Variants in ADCY2 observed in about 807,000 individuals in gnomAD.
ADCY2 encodes adenylate cyclase 2.
In ADCY2, 31 loss-of-function variants were observed where a neutral mutation model predicts 125.2. That is an observed-to-expected ratio of 0.25 (90% CI 0.19 to 0.33). The LOEUF (loss-of-function observed/expected upper bound fraction) is 0.33, where lower values mean the gene tolerates loss of function less well. ADCY2 is among the 10% of genes least tolerant of loss of function. The pLI is 1.00. For synonymous variants in ADCY2, 512 were observed against 548.4 expected (o/e 0.93, Z 0.93); for missense variants, 904 against 1,418.2 (o/e 0.64, Z 5.82).
At chr5:7,570,067 C>T (rs113621158) in intron 3 of ADCY2, among the ~76,000 whole-genome samples, 2,654 of 152,164 alleles carry the variant, frequency 0.017, 79 homozygotes, top group African/African-American at 0.061. Flanking sequence ...TAAGGTCACA[C>T]AATCACTATA....
At chr5:7,528,910 C>A (rs987393626) in intron 3 of ADCY2, among the ~76,000 whole-genome samples, 1 of 152,126 alleles carries the variant, frequency 6.6e-6, no homozygotes, top group Non-Finnish European at 1.5e-5. Context: ...TCTTTGAAAC[C>A]GTGTAAGACA....
At chr5:7,602,965 C>T (rs1561120613) in intron 3 of ADCY2, among the ~76,000 whole-genome samples, 1 of 152,118 alleles carries the variant, frequency 6.6e-6, no homozygotes, top group Non-Finnish European at 1.5e-5. Context: ...TTTGGTCTGG[C>T]CAATTAATAA....
chr5:7,510,390 G>A (rs1050637507), intron 2 of ADCY2, among the ~76,000 whole-genome samples: 1 of 152,206 alleles, frequency 6.6e-6, no homozygotes, highest in African/African-American at 2.4e-5. Context: ...TATAGCAAGA[G>A]TAACTCTGAT....
intron 15 of ADCY2, among the ~76,000 whole-genome samples, chr5:7,753,639 G>A (rs1324515194): frequency 6.6e-6 from 1 of 152,202 alleles, no homozygotes; most frequent in East Asian, 1.9e-4. Context: ...CAAGAGCCAA[G>A]TTGTAATTTT....
At chr5:7,492,146 A>G (rs1561055187) in intron 2 of ADCY2, among the ~76,000 whole-genome samples, 1 of 152,224 alleles carries the variant, frequency 6.6e-6, no homozygotes, top group African/African-American at 2.4e-5. Context: ...TTGAAAGGGC[A>G]CAGGGGAACC....
chr5:7,581,487 A>G (rs1027315775), intron 3 of ADCY2, among the ~76,000 whole-genome samples: 2 of 148,166 alleles, frequency 1.3e-5, no homozygotes, highest in African/African-American at 5.0e-5. Flanking sequence ...ATTAATTGAA[A>G]TGGGGTTAAA....
intron 2 of ADCY2, among the ~76,000 whole-genome samples, chr5:7,492,991 G>T (rs137952269): frequency 6.6e-6 from 1 of 152,274 alleles, no homozygotes; most frequent in African/African-American, 2.4e-5. Flanking sequence ...CATTGCTCTT[G>T]TGCTCAGCCG....
At chr5:7,474,009 C>T (rs556301024) in intron 2 of ADCY2, among the ~76,000 whole-genome samples, 2 of 152,302 alleles carry the variant, frequency 1.3e-5, no homozygotes, top group Non-Finnish European at 1.5e-5. Flanking sequence ...ATGCCATTCT[C>T]CCCTGGGAAG....
intron 3 of ADCY2, among the ~76,000 whole-genome samples, chr5:7,549,243 TG>T (rs1735249251): frequency 6.6e-6 from 1 of 152,172 alleles, no homozygotes; most frequent in Admixed American, 6.5e-5. Flanking sequence ...GTTTCTGTTG[TG>T]GATAGTGGGC....
At chr5:7,424,149 G>A (rs1005741078) in intron 2 of ADCY2, among the ~76,000 whole-genome samples, 9 of 152,322 alleles carry the variant, frequency 5.9e-5, no homozygotes, top group Middle Eastern at 3.4e-3. Context: ...CACCACACAC[G>A]TAGTGATCAC....
intron 1 of ADCY2, among the ~76,000 whole-genome samples, chr5:7,404,764 C>T (rs1739407113): frequency 6.6e-6 from 1 of 152,166 alleles, no homozygotes; most frequent in Admixed American, 6.5e-5. Flanking sequence ...AGTTTGGGCA[C>T]ATTTGCCAGT....
intron 2 of ADCY2, among the ~76,000 whole-genome samples, chr5:7,495,318 T>G (rs953749587): frequency 5.3e-5 from 8 of 152,210 alleles, no homozygotes; most frequent in Non-Finnish European, 1.2e-4. Context: ...TGTATCTCTG[T>G]GTCAGGAATT....
intron 10 of ADCY2, among the ~76,000 whole-genome samples, chr5:7,710,336 C>T (rs905929122): frequency 2.6e-5 from 4 of 152,088 alleles, no homozygotes; most frequent in Non-Finnish European, 4.4e-5. Context: ...TCAGACAATC[C>T]GTAAGATTGC....
intron 4 of ADCY2, among the ~76,000 whole-genome samples, chr5:7,657,696 T>C (rs533780018): frequency 6.6e-6 from 1 of 152,340 alleles, no homozygotes; most frequent in East Asian, 1.9e-4. Flanking sequence ...GTTAATCACC[T>C]AAGTTCGCAA....
intron 3 of ADCY2, among the ~76,000 whole-genome samples, chr5:7,525,850 T>TA (rs1253097085): frequency 6.6e-6 from 1 of 152,242 alleles, no homozygotes; most frequent in East Asian, 1.9e-4. Flanking sequence ...TTCGTGTCTG[T>TA]AACCAGCCTC....
intron 2 of ADCY2, among the ~76,000 whole-genome samples, chr5:7,513,640 G>A (rs1393458905): frequency 6.6e-6 from 1 of 152,162 alleles, no homozygotes; most frequent in African/African-American, 2.4e-5. Context: ...ATATGTTTAA[G>A]AATTCTAAAT....
intron 2 of ADCY2, among the ~76,000 whole-genome samples, chr5:7,494,401 C>A (rs962878070): frequency 6.6e-6 from 1 of 152,192 alleles, no homozygotes; most frequent in African/African-American, 2.4e-5. Context: ...CCCCTTCTCT[C>A]TCTGCTCTCA....
At position 7,789,762 on chromosome 5, in the gene ADCY2, G is replaced by A; in HGVS notation, c.2590G>A (p.Val864Met). The part of the protein sequence containing the change: ...VLLENVLPAH[V>M]AEHFLARSLK... ...GCTGGAGAACGTGCTTCCCGCGCAC[G>A]TGGCTGAGCACTTCCTGGCCAGGAG... Residue 864 changes from valine to methionine, a missense_variant, in exon 20 of 25, where the codon GTG becomes ATG. Around this residue, in one of 7 missense-constraint regions of ADCY2, gnomAD observed 181 missense variants for 381.6 expected, o/e 0.47. Transcript: ENST00000338316. The A allele has an allele frequency of 1.2e-6, 2 of 1,612,274 alleles. No individual in the cohort carries two copies. Among genetic ancestry groups the A allele is most frequent in the Non-Finnish European group, 8.5e-7 (1 of 1,179,684 alleles).
chr5:7,593,728 CTA>C (rs1003898479), intron 3 of ADCY2, among the ~76,000 whole-genome samples: 2 of 151,918 alleles, frequency 1.3e-5, no homozygotes, highest in African/African-American at 4.8e-5. Flanking sequence ...TTGGGGAAAG[CTA>C]TACATACAAA....
Sources: allele counts gnomAD v4.1 joint callset (sites outside exome capture counted in the v4.1 genomes callset), GRCh38; gene constraint gnomAD v4.1.1; regional missense constraint gnomAD v4.1.1; transcripts MANE v1.5; gene names NCBI Gene and HGNC (gene_info 2026-07-23, HGNC 2026-07-21).